ASCC3: variants seen among roughly 807,000 people sequenced by gnomAD.
ASCC3 encodes the protein activating signal cointegrator 1 complex subunit 3.
A neutral mutation model predicts 256.3 loss-of-function variants in ASCC3; 158 were observed. The ratio of observed to expected loss-of-function variants is 0.62; its 90% CI spans 0.54 to 0.70. The LOEUF is 0.70. Among genes scored for constraint, ASCC3 ranks in the 30% least tolerant of loss-of-function variants. The pLI is 0.00. For missense variants in ASCC3, 2,259 were observed against 2,626.0 expected, an observed-to-expected ratio of 0.86 and a Z score of 3.05; for synonymous variants, 948 against 883.4, an observed-to-expected ratio of 1.07 and a Z score of -1.30.
chr6:100,748,853 A>G (rs1780804876), intron 10 of ASCC3, among the ~76,000 whole-genome samples: 2 of 152,036 alleles, frequency 1.3e-5, no homozygotes, highest in Admixed American at 6.6e-5. Flanking sequence ...GATAACCCAT[A>G]GACCATTCAA....
intron 36 of ASCC3, among the ~76,000 whole-genome samples, chr6:100,569,733 T>C (rs1039278440): frequency 1.3e-5 from 2 of 152,186 alleles, no homozygotes; most frequent in African/African-American, 4.8e-5. Flanking sequence ...TCTGGCTTTG[T>C]TCTTTTTGCT....
intron 37 of ASCC3, 61 bp downstream of exon 37, chr6:100,540,101 GA>G: frequency 6.8e-7 from 1 of 1,466,226 alleles, no homozygotes; most frequent in Non-Finnish European, 9.6e-7. Context: ...CCTAAAACTA[GA>G]AAAAAGAGGG....
At chr6:100,781,238 T>C (rs927664172) in intron 8 of ASCC3, among the ~76,000 whole-genome samples, 3 of 152,064 alleles carry the variant, frequency 2.0e-5, no homozygotes, top group African/African-American at 7.2e-5. Context: ...CTCACATTAT[T>C]TATTAAGTTC....
chr6:100,880,315 A>G (rs1174494336), intron 1 of ASCC3, among the ~76,000 whole-genome samples: 1 of 152,236 alleles, frequency 6.6e-6, no homozygotes, highest in African/African-American at 2.4e-5. Context: ...TATGAAACAT[A>G]AAATCTGGTG....
chr6:100,663,173 T>C (rs1023211717), intron 14 of ASCC3, among the ~76,000 whole-genome samples: 1 of 152,200 alleles, frequency 6.6e-6, no homozygotes, highest in Non-Finnish European at 1.5e-5. Flanking sequence ...TGATCTTTGA[T>C]AGCAAAGCAT....
chr6:100,639,904 C>T (rs1044256949), intron 24 of ASCC3, among the ~76,000 whole-genome samples: 2 of 152,118 alleles, frequency 1.3e-5, no homozygotes, highest in African/African-American at 4.8e-5. Context: ...CACCTGAGGT[C>T]AGGAGTTCGA....
At chr6:100,608,176 ATATGTGTGTG>A (rs1328258219) in intron 30 of ASCC3, among the ~76,000 whole-genome samples, 170 of 120,004 alleles carry the variant, frequency 1.4e-3, no homozygotes, top group Middle Eastern at 0.012. Context: ...ACATATTTAT[ATATGTGTGTG>A]TATATATATA....
At chr6:100,844,098 A>G (rs1179360356) in intron 4 of ASCC3, among the ~76,000 whole-genome samples, 2 of 150,582 alleles carry the variant, frequency 1.3e-5, no homozygotes, top group African/African-American at 4.9e-5. Context: ...GCCTGGCTTT[A>G]TAAGAAAAGA....
chr6:100,866,128 C>T (rs535387872), intron 2 of ASCC3, among the ~76,000 whole-genome samples: 2 of 152,006 alleles, frequency 1.3e-5, no homozygotes, highest in African/African-American at 4.8e-5. Context: ...CACCACCATG[C>T]GTGGCTGATT....
chr6:100,612,703 G>T (rs1182117497), intron 30 of ASCC3, among the ~76,000 whole-genome samples: 1 of 151,618 alleles, frequency 6.6e-6, no homozygotes, highest in Non-Finnish European at 1.5e-5. Flanking sequence ...ACTGAAGGAA[G>T]AAAAACAATG....
chr6:100,531,404 A>C lies in ASCC3; in HGVS notation c.5775+8759T>G, dbSNP rs551547561. ...AAAGCACAATGCTGTCTTCATCAGA[A>C]AACAGTTGGCATAAGAATTAAACAT... is the stretch of plus-strand genomic sequence containing the variant. On this transcript the variant is annotated intron_variant, in intron 37 of 41. Coordinates refer to ENST00000369162, the MANE Select transcript of ASCC3 (RefSeq NM_006828.4). 1.6e-3 allele frequency among the ~76,000 whole-genome samples: 243 copies of C among 152,280 alleles called. 1 individual carries two copies. The highest frequency in any genetic ancestry group is 4.6e-3 in the Admixed American group (70 of 15,282).
chr6:100,858,032 A>G (rs1187554278), intron 3 of ASCC3: 1 of 172,072 alleles, frequency 5.8e-6, no homozygotes. Context: ...TCTTCTTTAA[A>G]TTCTCTCAAT....
chr6:100,516,782 G>C (rs1175385309), intron 38 of ASCC3, among the ~76,000 whole-genome samples: 1 of 152,050 alleles, frequency 6.6e-6, no homozygotes, highest in African/African-American at 2.4e-5. Context: ...CATAAGTAGT[G>C]CTAGATCCCA....
chr6:100,800,540 A>C, intron 5 of ASCC3, 36 bp from the exon 6 acceptor site: 1 of 1,466,586 alleles, frequency 6.8e-7, no homozygotes, highest in Non-Finnish European at 9.4e-7. Flanking sequence ...ATGTTTTATA[A>C]ATCTGAATAT....
At chr6:100,562,805 T>C (rs1770025709) in intron 36 of ASCC3, among the ~76,000 whole-genome samples, 1 of 152,106 alleles carries the variant, frequency 6.6e-6, no homozygotes, top group Admixed American at 6.6e-5. Context: ...CTTTTAGAGA[T>C]GTAAAATAAA....
chr6:100,543,492 T>G (rs909675659), intron 36 of ASCC3, among the ~76,000 whole-genome samples: 1 of 152,002 alleles, frequency 6.6e-6, no homozygotes, highest in African/African-American at 2.4e-5. Context: ...GAGACAAATA[T>G]GTTAAAAGTA....
chr6:100,862,360 A>C (rs560429168), intron 3 of ASCC3, among the ~76,000 whole-genome samples: 1 of 152,346 alleles, frequency 6.6e-6, no homozygotes, highest in African/African-American at 2.4e-5. Context: ...AACTTAAAAC[A>C]ATGAGGACAT....
rs183113611 is a variant in ASCC3, at chr6:100,727,585, C to T, written c.1738-1882G>A. Among the ~76,000 whole-genome samples the T allele has an allele frequency of 2.4e-3, 370 of 152,020 alleles. 2 individuals carry two copies. The highest frequency in any genetic ancestry group is 8.4e-3 in the African/African-American group (348 of 41,498). ...CCAGGCAGCAATTACAGGCAGATGA[C>T]CAGCTCCAGTGTTAGATCCCAGAGC... On this transcript the variant is annotated intron_variant, in intron 10 of 41. Coordinates refer to ENST00000369162, the MANE Select transcript of ASCC3 (RefSeq NM_006828.4).
At chr6:100,677,551 G>A (rs1777086783) in intron 14 of ASCC3, among the ~76,000 whole-genome samples, 2 of 151,960 alleles carry the variant, frequency 1.3e-5, no homozygotes, top group Non-Finnish European at 2.9e-5. Flanking sequence ...ATGGGAATAA[G>A]AATCTTAAAG....
Sources: allele counts gnomAD v4.1 joint callset (sites outside exome capture counted in the v4.1 genomes callset), GRCh38; gene constraint gnomAD v4.1.1; transcripts MANE v1.5; gene names NCBI Gene and HGNC (gene_info 2026-07-23, HGNC 2026-07-21).